Variants in TTC14 observed in about 807,000 individuals in gnomAD.
The protein encoded by TTC14 is tetratricopeptide repeat protein 14.
TTC14 carries 63 observed loss-of-function variants against 79.9 expected under a neutral mutation model. The ratio of observed to expected loss-of-function variants is 0.79; its 90% CI spans 0.64 to 0.97. The LOEUF (loss-of-function observed/expected upper bound fraction) is 0.97. TTC14 is among the 50% of genes least tolerant of loss of function. The pLI is 0.00. For missense variants in TTC14, 895 were observed against 894.0 expected, an observed-to-expected ratio of 1.00 and a Z score of -0.01; for synonymous variants, 335 against 309.6, an observed-to-expected ratio of 1.08 and a Z score of -0.86.
chr3:180,614,099 G>A (rs1020790745), downstream of TTC14: 7 of 194,846 alleles, frequency 3.6e-5, no homozygotes, highest in African/African-American at 1.2e-4. Context: ...TTATAATGAA[G>A]TGTTAACTGG....
At chr3:180,602,753 T>A (rs1716439227) in intron 1 of TTC14, 138 bp from the exon 2 acceptor site, 2 of 1,093,462 alleles carry the variant, frequency 1.8e-6, no homozygotes, top group Non-Finnish European at 2.5e-6. Context: ...AATGCCTAGT[T>A]AAAACTTTTT....
intron 12 of TTC14, chr3:180,616,252 A>C: frequency 6.2e-7 from 1 of 1,603,330 alleles, no homozygotes; most frequent in Non-Finnish European, 8.5e-7. Context: ...GTGAGAGTTA[A>C]GCAGATTTTT....
intron 9 of TTC14, among the ~76,000 whole-genome samples, chr3:180,607,138 A>T (rs767225174): frequency 1.3e-5 from 2 of 152,170 alleles, no homozygotes; most frequent in Admixed American, 6.5e-5. Context: ...CTAAGAACCC[A>T]AAGCACTTTG....
At chr3:180,617,321 A>G (rs1717282924) in intron 12 of TTC14, 1 of 490,496 alleles carries the variant, frequency 2.0e-6, no homozygotes, top group Non-Finnish European at 3.6e-6. Flanking sequence ...TGATAGTGAT[A>G]ATAAAAGATA....
Position 180,604,838 on chromosome 3 carries a change from T to C in TTC14, c.702-14T>C. On this transcript the variant is annotated splice_polypyrimidine_tract_variant and intron_variant, in intron 5 of 11. Coordinates refer to ENST00000296015, the MANE Select transcript of TTC14 (RefSeq NM_133462.4). ...TTAGTCATTTTACAATTTTTGTGTT[T>C]GTATTTTTTTAAGGAGAAGTGTTGA... 6.3e-7 allele frequency: 1 copy of C among 1,587,586 alleles called. No homozygotes were observed. The highest frequency in any genetic ancestry group is 8.5e-7 in the Non-Finnish European group (1 of 1,169,836).
chr3:180,615,814 G>A (rs1717210895), downstream of TTC14, among the ~76,000 whole-genome samples: 2 of 152,150 alleles, frequency 1.3e-5, no homozygotes, highest in South Asian at 4.1e-4. Flanking sequence ...AAAAAAAAGG[G>A]GTTTCCTTTT....
chr3:180,604,589 A>G lies in TTC14; in HGVS notation c.683A>G (p.Glu228Gly), dbSNP rs1056577217. 1 of 1,607,548 alleles carries G rather than the reference A, an allele frequency of 6.2e-7. No homozygotes were observed. Among genetic ancestry groups the G allele is most frequent in the Non-Finnish European group, 8.5e-7 (1 of 1,178,182 alleles). The change falls in exon 5 of 12, where the codon GAG becomes GGG. Residue 228 changes from glutamate to glycine, a missense_variant. Glu to Gly is a moderately conservative substitution (Grantham distance 98). Coordinates refer to ENST00000296015, the MANE Select transcript of TTC14 (RefSeq NM_133462.4). ...AAATTAGGTGTAATTAGCTCTGAAG[A>G]GCTTCCTTTATACTACAGGTAATTT... ...GIKLGVISSE[E>G]LPLYYRRSVE... is the part of the protein sequence containing the mutation.
At chr3:180,609,242 T>TGCCCCCC in intron 11 of TTC14, 10 of 606,924 alleles carry the variant, frequency 1.6e-5, no homozygotes, top group Non-Finnish European at 2.1e-5. Flanking sequence ...ACAGGTCAGC[T>TGCCCCCC]CCCACCCGCA....
Position 180,602,355 on chromosome 3 carries a change from C to G in TTC14, c.94C>G (p.Arg32Gly). Residue 32 changes from arginine to glycine, a missense_variant, in exon 1 of 12, where the codon CGT becomes GGT. Coordinates refer to ENST00000296015, the MANE Select transcript of TTC14 (RefSeq NM_133462.4). ...RSEQQDNPHF[R>G]SLLGSAAEPA... is the part of the protein sequence containing the mutation. ...CGAACAGCAGGACAATCCACACTTC[C>G]GTAGCCTCCTGGGGTCGGCCGCCGA... The G allele has an allele frequency of 6.2e-7, 1 of 1,612,872 alleles. No homozygotes were observed. Among genetic ancestry groups the G allele is most frequent in the Non-Finnish European group, 8.5e-7 (1 of 1,179,880 alleles).
intron 7 of TTC14, 70 bp from the exon 8 acceptor site, chr3:180,606,183 T>G (rs866792497): frequency 6.3e-6 from 10 of 1,585,608 alleles, no homozygotes; most frequent in Non-Finnish European, 8.6e-7. Flanking sequence ...CTTTTAAAAC[T>G]TATTCACACT....
intron 6 of TTC14, 76 bp downstream of exon 6, chr3:180,605,083 C>T (rs1716601721): frequency 1.3e-5 from 19 of 1,454,194 alleles, no homozygotes; most frequent in Admixed American, 4.5e-5. Flanking sequence ...AGCTGAAGGA[C>T]GTATTTTACC....
intron 6 of TTC14, 40 bp downstream of exon 6, chr3:180,605,047 T>C (rs1008180955): frequency 1.3e-5 from 21 of 1,571,678 alleles, no homozygotes; most frequent in Non-Finnish European, 1.6e-5. Context: ...GTGAGGGGAG[T>C]GGCAGTAAGC....
chr3:180,604,564 A>G lies in TTC14; in HGVS notation c.658A>G (p.Lys220Glu), dbSNP rs746309095. ...SSLPPHLSGIKLGVISSEELP... is the reference protein window; with the variant it reads ...SSLPPHLSGIELGVISSEELP... ...TCTTCCACCACACCTATCTGGTATT[A>G]AATTAGGTGTAATTAGCTCTGAAGA... Residue 220 changes from lysine to glutamate, a missense_variant, in exon 5 of 12, where the codon AAA (lysine) becomes GAA (glutamate). By Grantham distance (56) the Lys-to-Glu change is moderately conservative (BLOSUM62 1). Coordinates refer to ENST00000296015, the MANE Select transcript of TTC14 (RefSeq NM_133462.4). 3.2e-5 allele frequency: 51 copies of G among 1,609,372 alleles called. No individual in the cohort carries two copies. In the Admixed American group the frequency reaches 8.4e-4, roughly 26 times the overall value.
chr3:180,610,986 C>T lies in TTC14; in HGVS notation c.*444C>T, dbSNP rs1031044407. ...GTCAGCTTTTGAAAGATTATATGTT[C>T]GAATGTTTCTTGAACACTTTTATAT... On this transcript the variant is annotated 3_prime_UTR_variant, in exon 12 of 12. Transcript: ENST00000296015. 1.6e-5 allele frequency: 15 copies of T among 944,268 alleles called. No homozygotes were observed. Among genetic ancestry groups the T allele is most frequent in the African/African-American group, 1.1e-4 (6 of 56,184 alleles). The allele number at this position is 944,268 out of a possible 1,614,324, so 58.5% of individuals were successfully genotyped here.
rs1246860037 is a variant in TTC14, at chr3:180,606,263, G to A, written c.940G>A (p.Gly314Arg). ...AAATGTCTTTTTTAGTGTGAAGATC[G>A]GAGTTGACTATTTTAAAGTTGGACG... Reference protein sequence around the residue: ...ASWALKCVKIGVDYFKVGRHV... With the variant: ...ASWALKCVKIRVDYFKVGRHV... The change falls in exon 8 of 12, where the codon GGA becomes AGA. Residue 314 changes from glycine to arginine, a missense_variant. By Grantham distance (125) the Gly-to-Arg change is moderately radical. Coordinates refer to ENST00000296015, the MANE Select transcript of TTC14 (RefSeq NM_133462.4). 1.9e-6 allele frequency: 3 copies of A among 1,613,768 alleles called. No homozygotes were observed. Among genetic ancestry groups the A allele is most frequent in the African/African-American group, 1.3e-5 (1 of 74,880 alleles).
At chr3:180,609,563 C>T (rs1019742586) in intron 11 of TTC14, 67 bp from the exon 12 acceptor site, 152 of 1,422,756 alleles carry the variant, frequency 1.1e-4, no homozygotes, top group Non-Finnish European at 6.1e-5. Flanking sequence ...ACAAATAGGG[C>T]CCACATCTTT....
chr3:180,610,354 C>A lies in TTC14; in HGVS notation c.2125C>A (p.Gln709Lys), dbSNP rs140017734. ...GCAAAGATACCGTTTAAATACAAAT[C>A]AAGGAGAATATGAAAGAGAGGACAA... ...HEQRYRLNTN[Q>K]GEYEREDNYG... The change falls in exon 12 of 12, where the codon CAA becomes AAA. Residue 709 changes from glutamine (Q) to lysine (K), a missense_variant. Physicochemically the swap from Gln to Lys is moderately conservative, Grantham distance 53. Coordinates refer to ENST00000296015, the MANE Select transcript of TTC14 (RefSeq NM_133462.4). 306 of 1,612,882 alleles carry A rather than the reference C, an allele frequency of 1.9e-4. No homozygotes were observed. Among genetic ancestry groups the A allele is most frequent in the Non-Finnish European group, 2.5e-4 (298 of 1,179,704 alleles).
intron 4 of TTC14, 63 bp from the exon 5 acceptor site, chr3:180,604,415 A>G: frequency 1.3e-6 from 2 of 1,550,318 alleles, no homozygotes; most frequent in Non-Finnish European, 1.7e-6. Context: ...GAAAGTTTAT[A>G]TTTTTTATGT....
intron 7 of TTC14, 28 bp from the exon 8 acceptor site, chr3:180,606,225 T>A: frequency 6.2e-7 from 1 of 1,612,050 alleles, no homozygotes; most frequent in Non-Finnish European, 8.5e-7. Flanking sequence ...TTGAAGTGTT[T>A]GTGATGCTTT....
Sources: gnomAD v4.1 joint callset for allele counts (sites outside exome capture counted in the v4.1 genomes callset) on GRCh38, gnomAD v4.1.1 for gene constraint, MANE v1.5 for transcripts, NCBI Gene and HGNC (gene_info 2026-07-23, HGNC 2026-07-21) for gene names.